MICU1: variants seen among roughly 807,000 people sequenced by gnomAD.
MICU1 encodes the protein calcium uptake protein 1, mitochondrial.
Under a neutral mutation model 56.8 loss-of-function variants are expected in MICU1, and 45 were observed. The observed-to-expected ratio is 0.79, with a 90% CI of 0.62 to 1.02. The LOEUF is 1.02. Ranked by LOEUF, MICU1 falls within the 50% of genes least tolerant of loss-of-function variation. The pLI is 0.00. For missense variants in MICU1, 504 were observed against 587.1 expected (o/e 0.86, Z 1.46); for synonymous variants, 186 against 195.1 (o/e 0.95, Z 0.39).
intron 6 of MICU1, among the ~76,000 whole-genome samples, chr10:72,505,446 T>C (rs1867213226): frequency 6.6e-6 from 1 of 152,174 alleles, no homozygotes; most frequent in African/African-American, 2.4e-5. Context: ...TTCAACCCAG[T>C]AATCCCATTA....
At position 72,368,109 on chromosome 10, in the gene MICU1, A is replaced by G. The variant is rs768646884; in HGVS notation, c.*86T>C. 80 of 1,402,348 alleles carry G rather than the reference A, an allele frequency of 5.7e-5. No individual in the cohort carries two copies. The highest frequency in any genetic ancestry group is 7.7e-5 in the Non-Finnish European group (79 of 1,030,762). The allele number at this position is 1,402,348 out of a possible 1,614,324, so 86.9% of individuals were successfully genotyped here. On this transcript the variant is annotated 3_prime_UTR_variant, in exon 12 of 12. Coordinates refer to ENST00000361114, the MANE Select transcript of MICU1 (RefSeq NM_001195518.2). ...GGGAGGAAGGGGGACTACTTCCAGA[A>G]GCAGCAGCACAAAGGGCTCTGCCGA...
At chr10:72,491,463 T>C (rs1210418485) in intron 6 of MICU1, among the ~76,000 whole-genome samples, 14 of 152,160 alleles carry the variant, frequency 9.2e-5, no homozygotes. Flanking sequence ...CATGGATTCA[T>C]ATTCACCCAG....
rs542981761 is a variant in MICU1, at chr10:72,543,648, G to A, written c.493+7531C>T. 2.6e-4 allele frequency among the ~76,000 whole-genome samples: 40 copies of A among 152,324 alleles called. 1 individual carries two copies. In the South Asian group the frequency reaches 4.8e-3, roughly 18 times the overall value. On this transcript the variant is annotated intron_variant, in intron 4 of 11. Transcript: ENST00000361114. ...AGGTGGGCAGATCACGAGGTCAGGA[G>A]ATCGAGACCATCCTGGCTAACACGG...
intron 9 of MICU1, among the ~76,000 whole-genome samples, 158 bp downstream of exon 9, chr10:72,423,076 C>T (rs1251696823): frequency 6.6e-6 from 1 of 152,150 alleles, no homozygotes; most frequent in Non-Finnish European, 1.5e-5. Flanking sequence ...TCACCCATTG[C>T]TTATTTCTTT....
chr10:72,555,884 C>A (rs574011922), intron 3 of MICU1, among the ~76,000 whole-genome samples: 8 of 152,270 alleles, frequency 5.3e-5, no homozygotes, highest in African/African-American at 1.7e-4. Context: ...TTAAAAGGGA[C>A]ATATTTTCCC....
intron 10 of MICU1, among the ~76,000 whole-genome samples, chr10:72,403,429 C>A (rs1462340149): frequency 6.6e-6 from 1 of 152,018 alleles, no homozygotes; most frequent in African/African-American, 2.4e-5. Context: ...GTTGCCCAGG[C>A]TGGCTTTGAA....
intron 6 of MICU1, among the ~76,000 whole-genome samples, chr10:72,478,363 C>T (rs1488442879): frequency 1.3e-5 from 2 of 152,110 alleles, no homozygotes; most frequent in East Asian, 3.8e-4. Flanking sequence ...ATACTCTGTG[C>T]ATTGGAATAA....
At chr10:72,523,811 T>A in intron 5 of MICU1, 1 of 1,521,896 alleles carries the variant, frequency 6.6e-7, no homozygotes, top group Non-Finnish European at 8.8e-7. Context: ...CCTTTAGGAG[T>A]GTCCTTGAAG....
intron 8 of MICU1, among the ~76,000 whole-genome samples, chr10:72,458,755 G>A: frequency 6.6e-6 from 1 of 150,796 alleles, no homozygotes; most frequent in African/African-American, 2.4e-5. Context: ...TGTTGCCCAG[G>A]CTGGAGTCCA....
intron 10 of MICU1, among the ~76,000 whole-genome samples, chr10:72,387,547 G>A (rs142421409): frequency 7.3e-4 from 111 of 152,280 alleles, no homozygotes; most frequent in African/African-American, 2.4e-3. Context: ...ATCAATAGGG[G>A]TTAGATATTC....
chr10:72,583,401 C>T (rs1840959885), intron 1 of MICU1, among the ~76,000 whole-genome samples: 1 of 151,794 alleles, frequency 6.6e-6, no homozygotes, highest in South Asian at 2.1e-4. Flanking sequence ...CTGCCTCAGT[C>T]TCCCAAGTAG....
chr10:72,467,516 C>A (rs1274310449), intron 8 of MICU1, among the ~76,000 whole-genome samples: 5 of 151,890 alleles, frequency 3.3e-5, no homozygotes, highest in Non-Finnish European at 1.5e-5. Context: ...AACGGGGATT[C>A]GCCATGTTGG....
At chr10:72,500,284 ATATATATATATATATATATTTTTTTTTTT>A (rs1448002449) in intron 6 of MICU1, among the ~76,000 whole-genome samples, 81 of 8,076 alleles carry the variant, frequency 0.01, 1 homozygote, top group African/African-American at 0.016. Flanking sequence ...ATATATATAT[ATATATATATATATATATATTTTTTTTTTT>A]TTTTTTTTTT....
chr10:72,434,241 A>G (rs1864637592), intron 8 of MICU1, among the ~76,000 whole-genome samples: 1 of 152,174 alleles, frequency 6.6e-6, no homozygotes, highest in South Asian at 2.1e-4. Flanking sequence ...ACATTTACAT[A>G]GCACTTATTA....
intron 5 of MICU1, among the ~76,000 whole-genome samples, chr10:72,509,981 C>G (rs1479805007): frequency 1.3e-5 from 2 of 151,892 alleles, no homozygotes; most frequent in Non-Finnish European, 2.9e-5. Flanking sequence ...GAATAGGTCC[C>G]CAAAGGCTGA....
chr10:72,517,769 A>G (rs1867693290), intron 5 of MICU1, among the ~76,000 whole-genome samples: 1 of 135,406 alleles, frequency 7.4e-6, no homozygotes. Context: ...CCAAAAACCT[A>G]TGGAAATAAA....
At chr10:72,394,687 A>C (rs1447791000) in intron 10 of MICU1, among the ~76,000 whole-genome samples, 1 of 152,068 alleles carries the variant, frequency 6.6e-6, no homozygotes, top group Non-Finnish European at 1.5e-5. Flanking sequence ...AAAAATGTGA[A>C]TTTAACTATT....
At position 72,498,313 on chromosome 10, in the gene MICU1, C is replaced by A. The variant is rs140720363; in HGVS notation, c.652+9842G>T. 8.5e-3 allele frequency among the ~76,000 whole-genome samples: 1,298 copies of A among 152,274 alleles called. 16 individuals carry two copies. Among genetic ancestry groups the A allele is most frequent in the African/African-American group, 0.029 (1,225 of 41,544 alleles). ...GAAAGAAGGAAGCCTGGGCCGGGCA[C>A]AGTGGCTCACACCTGTAATCCCAGC... On this transcript the variant is annotated intron_variant, in intron 6 of 11. Coordinates refer to ENST00000361114, the MANE Select transcript of MICU1 (RefSeq NM_001195518.2).
chr10:72,436,050 G>T (rs527674967), intron 8 of MICU1, among the ~76,000 whole-genome samples: 1 of 152,202 alleles, frequency 6.6e-6, no homozygotes, highest in Non-Finnish European at 1.5e-5. Flanking sequence ...CTCCCAGCAC[G>T]GCGTTTGAGC....
Sources: gnomAD v4.1 joint callset for allele counts (sites outside exome capture counted in the v4.1 genomes callset) on GRCh38, gnomAD v4.1.1 for gene constraint, MANE v1.5 for transcripts, NCBI Gene and HGNC (gene_info 2026-07-23, HGNC 2026-07-21) for gene names.